Variants in CNRIP1 observed in about 807,000 individuals in gnomAD.
CNRIP1 encodes the protein CB1 cannabinoid receptor-interacting protein 1.
Under a neutral mutation model 15.2 loss-of-function variants are expected in CNRIP1, and 10 were observed. The observed-to-expected ratio is 0.66, with a 90% CI of 0.41 to 1.12. The LOEUF (loss-of-function observed/expected upper bound fraction) is 1.12, where lower values mean the gene tolerates loss of function less well. Ranked by LOEUF, CNRIP1 falls within the 50% of genes most tolerant of loss-of-function variation. The pLI is 0.00. For missense variants in CNRIP1, 211 were observed against 214.7 expected, an observed-to-expected ratio of 0.98 and a Z score of 0.11; for synonymous variants, 91 against 83.2, an observed-to-expected ratio of 1.09 and a Z score of -0.51.
chr2:68,319,241 G>A lies in CNRIP1; in HGVS notation c.160C>T (p.Pro54Ser). The stretch of plus-strand genomic sequence containing the variant: ...ACTCACTCGACCTGCAGCGTGCTGG[G>A]TTTAATCTTCACCTCAACCTTGTAG... ...SSYKVEVKIK[P>S]STLQVENISI... The change falls in exon 1 of 3, where the codon CCC (proline) becomes TCC (serine). Residue 54 changes from proline to serine, a missense_variant. By Grantham distance (74) the Pro-to-Ser change is moderately conservative (BLOSUM62 -1). Transcript: ENST00000263655. 6.5e-7 allele frequency: 1 copy of A among 1,548,920 alleles called. No homozygotes were observed. The highest frequency in any genetic ancestry group is 2.4e-5 in the East Asian group (1 of 40,826).
At chr2:68,312,254 T>A (rs966875009) in intron 2 of CNRIP1, among the ~76,000 whole-genome samples, 4 of 152,084 alleles carry the variant, frequency 2.6e-5, no homozygotes, top group African/African-American at 9.7e-5. Flanking sequence ...AAATCCAGTT[T>A]TACATACCGA....
intron 2 of CNRIP1, among the ~76,000 whole-genome samples, chr2:68,304,428 T>C (rs1373605660): frequency 6.6e-6 from 1 of 151,788 alleles, no homozygotes. Context: ...TGGAGAGCCT[T>C]AGCTTAGTTA....
At chr2:68,317,620 TA>T (rs1672323445) in intron 1 of CNRIP1, among the ~76,000 whole-genome samples, 1 of 152,204 alleles carries the variant, frequency 6.6e-6, no homozygotes. Flanking sequence ...CGTCCTCTAA[TA>T]TTTTTTTTCT....
Position 68,319,267 on chromosome 2 carries a change from G to A in CNRIP1, c.134C>T (p.Ser45Phe). Residue 45 changes from serine to phenylalanine, a missense_variant, in exon 1 of 3, where the codon TCC becomes TTC. By Grantham distance (155) the Ser-to-Phe change is radical. Transcript: ENST00000263655. ...NRTIKLLTGS[S>F]YKVEVKIKPS... The stretch of plus-strand genomic sequence containing the variant: ...TTTAATCTTCACCTCAACCTTGTAG[G>A]AGGAGCCGGTGAGCAGCTTGATGGT... The A allele has an allele frequency of 6.4e-7, 1 of 1,550,504 alleles. No homozygotes were observed. Among genetic ancestry groups the A allele is most frequent in the Non-Finnish European group, 8.7e-7 (1 of 1,147,046 alleles).
intron 2 of CNRIP1, among the ~76,000 whole-genome samples, chr2:68,303,979 A>G (rs1281229211): frequency 6.6e-6 from 1 of 152,158 alleles, no homozygotes; most frequent in East Asian, 1.9e-4. Flanking sequence ...TTGGAGGCTG[A>G]GGCATGATAA....
Position 68,305,263 on chromosome 2 carries a change from T to A in CNRIP1, c.331-11237A>T, listed in dbSNP as rs1367740454. ...CCGTCTCAAAAAAAAAAAAAAAATA[T>A]ATATATATATATGTGTGTGTGTGTG... On this transcript the variant is annotated intron_variant, in intron 2 of 2. Transcript: ENST00000263655. Among the ~76,000 whole-genome samples, 79 of 103,028 alleles carry A rather than the reference T, an allele frequency of 7.7e-4. 1 individual carries two copies. The highest frequency in any genetic ancestry group is 1.2e-3 in the Admixed American group (11 of 9,344). The allele number at this position is 103,028 out of a possible 152,430, so 67.6% of individuals were successfully genotyped here.
At chr2:68,315,468 A>G (rs1342692174) in intron 2 of CNRIP1, among the ~76,000 whole-genome samples, 1 of 152,178 alleles carries the variant, frequency 6.6e-6, no homozygotes, top group Non-Finnish European at 1.5e-5. Context: ...AGACAATTGT[A>G]CAGTACTCAG....
intron 2 of CNRIP1, among the ~76,000 whole-genome samples, chr2:68,307,433 C>T (rs915924835): frequency 6.6e-6 from 1 of 152,298 alleles, no homozygotes; most frequent in South Asian, 2.1e-4. Context: ...GTAACCCTCC[C>T]ACCTCAGTCT....
chr2:68,314,976 T>C (rs887998467), intron 2 of CNRIP1, among the ~76,000 whole-genome samples: 1 of 152,018 alleles, frequency 6.6e-6, no homozygotes, highest in Non-Finnish European at 1.5e-5. Context: ...AATTAATTAA[T>C]CTGGGAGTCA....
intron 2 of CNRIP1, among the ~76,000 whole-genome samples, chr2:68,305,618 ACC>A (rs1671807541): frequency 6.6e-6 from 1 of 151,012 alleles, no homozygotes; most frequent in South Asian, 2.1e-4. Flanking sequence ...ACACGGTGAA[ACC>A]CCGTCTCTAC....
chr2:68,294,980 G>T (rs1024564354), intron 2 of CNRIP1, among the ~76,000 whole-genome samples: 2 of 152,198 alleles, frequency 1.3e-5, no homozygotes, highest in African/African-American at 4.8e-5. Flanking sequence ...GAATACCCTG[G>T]AGGCCACTGG....
intron 2 of CNRIP1, among the ~76,000 whole-genome samples, chr2:68,315,324 C>T (rs1260871616): frequency 6.6e-6 from 1 of 151,990 alleles, no homozygotes; most frequent in Admixed American, 6.6e-5. Context: ...ACAAACTATA[C>T]CTAGTGCAGA....
At chr2:68,311,797 A>G (rs201363532) in intron 2 of CNRIP1, among the ~76,000 whole-genome samples, 13 of 151,244 alleles carry the variant, frequency 8.6e-5, no homozygotes, top group East Asian at 1.9e-4. Context: ...AAAAAAAAAA[A>G]AAAAAGAAAA....
chr2:68,306,010 G>A (rs1671827757), intron 2 of CNRIP1, among the ~76,000 whole-genome samples: 1 of 148,886 alleles, frequency 6.7e-6, no homozygotes, highest in South Asian at 2.1e-4. Flanking sequence ...CGTGCCTCTG[G>A]TCCCAGCTAC....
In CNRIP1 at chr2:68,307,211, C is replaced by T. The variant is rs144472065; in HGVS notation, c.330+9946G>A. 1.5e-4 allele frequency among the ~76,000 whole-genome samples: 23 copies of T among 152,276 alleles called. No homozygotes were observed. The East Asian group carries it at 4.4e-3, about 29-fold the overall frequency. On this transcript the variant is annotated intron_variant, in intron 2 of 2. Coordinates refer to ENST00000263655, the MANE Select transcript of CNRIP1 (RefSeq NM_015463.3). ...TGTATATATTGTCAAACTATTGTTACAATTTTGTCAAAATGTTATACAATT... is the reference window on the plus strand; with the variant it reads ...TGTATATATTGTCAAACTATTGTTATAATTTTGTCAAAATGTTATACAATT...
intron 1 of CNRIP1, 28 bp from the exon 2 acceptor site, chr2:68,317,335 C>T (rs202218120): frequency 4.5e-5 from 73 of 1,610,476 alleles, no homozygotes; most frequent in African/African-American, 3.2e-4. Flanking sequence ...TGACCACATA[C>T]GGTTGAAATT....
chr2:68,309,242 A>G (rs1273944176), intron 2 of CNRIP1, among the ~76,000 whole-genome samples: 2 of 152,174 alleles, frequency 1.3e-5, no homozygotes, highest in African/African-American at 4.8e-5. Context: ...ATATTTCTAG[A>G]GGTCTAAAAA....
chr2:68,302,278 A>G (rs1254070575), intron 2 of CNRIP1, among the ~76,000 whole-genome samples: 1 of 152,146 alleles, frequency 6.6e-6, no homozygotes, highest in Non-Finnish European at 1.5e-5. Context: ...ACCAACTTCT[A>G]TATTTGGAAG....
Position 68,319,548 on chromosome 2 carries a change from G to T in CNRIP1, c.-148C>A, listed in dbSNP as rs558876622. The T allele has an allele frequency of 3.1e-4, 238 of 770,542 alleles. No individual in the cohort carries two copies. The highest frequency in any genetic ancestry group is 2.8e-3 in the African/African-American group (150 of 53,628). The allele number at this position is 770,542 out of a possible 1,614,324, so 47.7% of individuals were successfully genotyped here. Reference sequence around the variant, plus strand: ...GAGGCTGCCGCTAGGAACCCGCGCCGTCGCCGCCGTCCGCCCGGGCTTTTG... The same window carrying T: ...GAGGCTGCCGCTAGGAACCCGCGCCTTCGCCGCCGTCCGCCCGGGCTTTTG... On this transcript the variant is annotated 5_prime_UTR_variant, in exon 1 of 3. Transcript: ENST00000263655.
Sources: gnomAD v4.1 joint callset for allele counts (sites outside exome capture counted in the v4.1 genomes callset) on GRCh38, gnomAD v4.1.1 for gene constraint, MANE v1.5 for transcripts, NCBI Gene and HGNC (gene_info 2026-07-23, HGNC 2026-07-21) for gene names.